The following MEIS2 variants were observed in gnomAD, a reference collection of about 807,000 sequenced individuals.
The protein encoded by MEIS2 is Meis homeobox 2.
In MEIS2, 9 loss-of-function variants were observed where a neutral mutation model predicts 58.6. The ratio of observed to expected loss-of-function variants is 0.15; its 90% CI spans 0.09 to 0.27. The LOEUF (loss-of-function observed/expected upper bound fraction) is 0.27. Ranked by LOEUF, MEIS2 falls within the 10% of genes least tolerant of loss-of-function variation. The pLI is 1.00. For missense variants in MEIS2, 427 were observed against 635.0 expected, an observed-to-expected ratio of 0.67 and a Z score of 3.52; for synonymous variants, 221 against 228.4, an observed-to-expected ratio of 0.97 and a Z score of 0.29.
At chr15:37,088,856 G>A (rs1484487908) in intron 6 of MEIS2, among the ~76,000 whole-genome samples, 2 of 151,876 alleles carry the variant, frequency 1.3e-5, no homozygotes, top group Non-Finnish European at 2.9e-5. Flanking sequence ...ATTGTGTTGG[G>A]ATATTCCATA....
At chr15:37,026,033 T>C (rs1463726411) in intron 8 of MEIS2, among the ~76,000 whole-genome samples, 1 of 152,126 alleles carries the variant, frequency 6.6e-6, no homozygotes, top group African/African-American at 2.4e-5. Flanking sequence ...TGTTCCCATG[T>C]TCTCTTACTA....
At chr15:37,058,706 A>G (rs542321331) in intron 7 of MEIS2, among the ~76,000 whole-genome samples, 5 of 152,332 alleles carry the variant, frequency 3.3e-5, no homozygotes, top group South Asian at 2.1e-4. Flanking sequence ...TTTCAAAACA[A>G]TGAGGACAGC....
chr15:37,039,542 T>C (rs2062324668), intron 7 of MEIS2, among the ~76,000 whole-genome samples: 1 of 152,202 alleles, frequency 6.6e-6, no homozygotes, highest in South Asian at 2.1e-4. Context: ...GAGACAGCAT[T>C]TCCACAGTGC....
At chr15:37,065,497 G>T (rs564916680) in intron 7 of MEIS2, among the ~76,000 whole-genome samples, 1 of 152,198 alleles carries the variant, frequency 6.6e-6, no homozygotes, top group Non-Finnish European at 1.5e-5. Context: ...ACGTGTGACT[G>T]ACAACTGTGG....
chr15:37,096,890 A>T (rs1299261997), intron 2 of MEIS2, among the ~76,000 whole-genome samples: 2 of 152,214 alleles, frequency 1.3e-5, no homozygotes, highest in African/African-American at 4.8e-5. Context: ...GGCATTTCAG[A>T]CGAGGCCAAA....
intron 6 of MEIS2, among the ~76,000 whole-genome samples, chr15:37,089,843 A>T (rs1791460630): frequency 6.6e-6 from 1 of 152,058 alleles, no homozygotes; most frequent in Admixed American, 6.5e-5. Flanking sequence ...CTTTACATGT[A>T]AATGTGAGGA....
intron 9 of MEIS2, among the ~76,000 whole-genome samples, chr15:36,910,773 G>A (rs1013013677): frequency 7.2e-5 from 11 of 152,102 alleles, no homozygotes; most frequent in Admixed American, 3.3e-4. Flanking sequence ...CTTGCTGGGC[G>A]CAGTGGCTCA....
At chr15:36,949,725 C>T (rs1223189761) in intron 9 of MEIS2, among the ~76,000 whole-genome samples, 2 of 151,952 alleles carry the variant, frequency 1.3e-5, no homozygotes, top group Non-Finnish European at 2.9e-5. Flanking sequence ...TTATTTAATC[C>T]TCTGCCCCTC....
At chr15:36,990,742 G>A (rs1020146953) in intron 8 of MEIS2, among the ~76,000 whole-genome samples, 5 of 151,176 alleles carry the variant, frequency 3.3e-5, no homozygotes, top group Admixed American at 1.3e-4. Flanking sequence ...ATTTTAAAAA[G>A]AAGCAAAAAC....
intron 9 of MEIS2, among the ~76,000 whole-genome samples, chr15:36,909,373 T>A (rs978368207): frequency 1.3e-5 from 2 of 152,122 alleles, no homozygotes; most frequent in African/African-American, 4.8e-5. Flanking sequence ...TAGTACACCC[T>A]CAATAAAATG....
intron 8 of MEIS2, among the ~76,000 whole-genome samples, chr15:36,950,826 C>A (rs1314878315): frequency 6.6e-6 from 1 of 152,042 alleles, no homozygotes; most frequent in Non-Finnish European, 1.5e-5. Context: ...TATAATCATC[C>A]TTCTCTAGTT....
At chr15:37,011,666 C>T (rs2061164664) in intron 8 of MEIS2, among the ~76,000 whole-genome samples, 1 of 115,546 alleles carries the variant, frequency 8.7e-6, no homozygotes, top group Non-Finnish European at 1.6e-5. Flanking sequence ...GTCACCCAGG[C>T]TGGAGTGCAG....
At chr15:37,091,525 G>A (rs1024145742) in intron 6 of MEIS2, among the ~76,000 whole-genome samples, 1 of 152,144 alleles carries the variant, frequency 6.6e-6, no homozygotes, top group Non-Finnish European at 1.5e-5. Flanking sequence ...TTACTTGACT[G>A]GGGGCCTGAA....
At chr15:36,933,722 G>A (rs544539901) in intron 9 of MEIS2, among the ~76,000 whole-genome samples, 4 of 152,004 alleles carry the variant, frequency 2.6e-5, no homozygotes, top group Non-Finnish European at 2.9e-5. Context: ...GTATCCTAAC[G>A]CTTTTTGTTT....
chr15:37,097,366 C>T (rs1406656701), intron 2 of MEIS2: 1 of 152,404 alleles, frequency 6.6e-6, no homozygotes, highest in East Asian at 1.9e-4. Context: ...CAGCCATCTT[C>T]CTTACTCCCC....
intron 8 of MEIS2, among the ~76,000 whole-genome samples, chr15:36,984,961 T>C (rs1446059556): frequency 1.3e-5 from 2 of 152,204 alleles, no homozygotes; most frequent in African/African-American, 2.4e-5. Context: ...TAATTTTATT[T>C]ACTTGAGTCT....
chr15:36,960,728 A>AT (rs1239617261), intron 8 of MEIS2, among the ~76,000 whole-genome samples: 1 of 152,052 alleles, frequency 6.6e-6, no homozygotes, highest in African/African-American at 2.4e-5. Context: ...AACAGCTGAT[A>AT]TTTTTTCTGT....
At chr15:37,067,246 T>G (rs138821950) in intron 7 of MEIS2, among the ~76,000 whole-genome samples, 5 of 152,136 alleles carry the variant, frequency 3.3e-5, no homozygotes, top group African/African-American at 4.8e-5. Flanking sequence ...TGCACCATCA[T>G]GTCTGGCTAA....
At position 37,065,616 on chromosome 15, in the gene MEIS2, AG is replaced by A. The variant is rs534964692; in HGVS notation, c.754+18154del. Among the ~76,000 whole-genome samples the A allele has an allele frequency of 4.6e-4, 70 of 152,342 alleles. 1 individual carries two copies. The highest frequency in any genetic ancestry group is 1.5e-4 in the Non-Finnish European group (10 of 68,030). On this transcript the variant is annotated intron_variant, in intron 7 of 11. Transcript: ENST00000561208. ...ATGCTAAGCCAATTTATAACAAAAAAGAAATCAACTTGGCTTAATTTTTAAA... is the reference window on the plus strand; with the variant it reads ...ATGCTAAGCCAATTTATAACAAAAAAAAATCAACTTGGCTTAATTTTTAAA...
Sources: allele counts gnomAD v4.1 joint callset (sites outside exome capture counted in the v4.1 genomes callset), GRCh38; gene constraint gnomAD v4.1.1; transcripts MANE v1.5; gene names NCBI Gene and HGNC (gene_info 2026-07-23, HGNC 2026-07-21).